STK32B: variants seen among roughly 807,000 people sequenced by gnomAD.
The protein encoded by STK32B is serine/threonine kinase 32B.
A neutral mutation model predicts 52.6 loss-of-function variants in STK32B; 43 were observed. The ratio of observed to expected loss-of-function variants is 0.82; its 90% CI spans 0.64 to 1.05. The LOEUF (loss-of-function observed/expected upper bound fraction) is 1.05. STK32B is among the 50% of genes least tolerant of loss of function. STK32B has a pLI of 0.00. For missense variants in STK32B, 621 were observed against 534.6 expected (o/e 1.16, Z -1.59); for synonymous variants, 238 against 204.3 (o/e 1.17, Z -1.41).
chr4:5,341,744 C>G (rs1324341605), intron 4 of STK32B, among the ~76,000 whole-genome samples: 1 of 152,142 alleles, frequency 6.6e-6, no homozygotes, highest in East Asian at 1.9e-4. Flanking sequence ...TGTTCGGCTT[C>G]TGGGGAGGCC....
At chr4:5,192,477 A>G (rs946367405) in intron 3 of STK32B, among the ~76,000 whole-genome samples, 1 of 152,252 alleles carries the variant, frequency 6.6e-6, no homozygotes, top group Non-Finnish European at 1.5e-5. Context: ...CACACGCTAC[A>G]GAAAGTCAGA....
intron 3 of STK32B, among the ~76,000 whole-genome samples, chr4:5,244,999 A>T (rs1725333629): frequency 6.6e-6 from 1 of 152,138 alleles, no homozygotes; most frequent in Non-Finnish European, 1.5e-5. Flanking sequence ...ACTTCCAACT[A>T]TGTGGTCAAT....
intron 4 of STK32B, among the ~76,000 whole-genome samples, chr4:5,346,884 T>A (rs1325526651): frequency 6.6e-6 from 1 of 152,124 alleles, no homozygotes; most frequent in African/African-American, 2.4e-5. Flanking sequence ...AAACTTACAA[T>A]CATGGTGGAA....
At chr4:5,032,580 C>A in the STK32B span, among the ~76,000 whole-genome samples, 11 of 151,570 alleles carry the variant, frequency 7.3e-5, no homozygotes, top group East Asian at 1.9e-3. Flanking sequence ...TGAAAGATGA[C>A]CAGTTTCTAG....
chr4:5,155,980 CCT>C (rs917987454), intron 2 of STK32B, among the ~76,000 whole-genome samples: 3 of 151,862 alleles, frequency 2.0e-5, no homozygotes, highest in Admixed American at 6.6e-5. Context: ...TACATATATA[CCT>C]CTCTACATAA....
chr4:5,142,914 A>G (rs1716584509), intron 2 of STK32B, among the ~76,000 whole-genome samples: 1 of 152,170 alleles, frequency 6.6e-6, no homozygotes, highest in African/African-American at 2.4e-5. Context: ...CTTTAGGAGA[A>G]AAAGGCTGAC....
the STK32B span, among the ~76,000 whole-genome samples, chr4:5,041,303 T>C: frequency 6.6e-6 from 1 of 151,502 alleles, no homozygotes; most frequent in Non-Finnish European, 1.5e-5. Flanking sequence ...AGAGTGTTCA[T>C]GACGACTCCC....
At chr4:5,040,367 T>C in the STK32B span, among the ~76,000 whole-genome samples, 5 of 150,034 alleles carry the variant, frequency 3.3e-5, no homozygotes, top group African/African-American at 9.8e-5. Flanking sequence ...TCAGTGCACA[T>C]GATGAGGCAG....
intron 1 of STK32B, among the ~76,000 whole-genome samples, chr4:5,084,344 A>G: frequency 6.6e-6 from 1 of 152,216 alleles, no homozygotes. Context: ...CTGTATTACA[A>G]AAGACAACAG....
At chr4:5,372,349 G>C (rs1735297055) in intron 4 of STK32B, among the ~76,000 whole-genome samples, 1 of 152,142 alleles carries the variant, frequency 6.6e-6, no homozygotes. Flanking sequence ...TCTCTGTCCA[G>C]CCGGGCTGTA....
chr4:5,417,060 A>G, intron 6 of STK32B, 126 bp downstream of exon 6: 1 of 792,872 alleles, frequency 1.3e-6, no homozygotes, highest in East Asian at 2.7e-5. Flanking sequence ...GAGGTTCCAC[A>G]GTTCCCAGTA....
chr4:5,029,722 C>G, the STK32B span, among the ~76,000 whole-genome samples: 17,207 of 152,178 alleles, frequency 0.11, 1,153 homozygotes, highest in Middle Eastern at 0.21. Context: ...CCCACCCAGG[C>G]GCCCATCTCC....
chr4:5,126,420 C>A (rs939002656), intron 1 of STK32B, among the ~76,000 whole-genome samples: 5 of 152,188 alleles, frequency 3.3e-5, no homozygotes, highest in Non-Finnish European at 5.9e-5. Context: ...TGGCTGGGCT[C>A]GCTCACTTAT....
At chr4:5,264,751 C>A (rs1417113918) in intron 3 of STK32B, among the ~76,000 whole-genome samples, 1 of 152,014 alleles carries the variant, frequency 6.6e-6, no homozygotes, top group Non-Finnish European at 1.5e-5. Context: ...TGCGCCACTG[C>A]ACTCCAGCCT....
chr4:5,178,077 A>G (rs917829958), intron 3 of STK32B, among the ~76,000 whole-genome samples: 1 of 152,194 alleles, frequency 6.6e-6, no homozygotes, highest in East Asian at 1.9e-4. Context: ...CTCTGCTCCC[A>G]CATTTCCCTT....
intron 1 of STK32B, among the ~76,000 whole-genome samples, chr4:5,078,354 A>G (rs190957848): frequency 6.6e-6 from 1 of 152,318 alleles, no homozygotes; most frequent in African/African-American, 2.4e-5. Context: ...TTTAGGGTAG[A>G]AAAGCTAGGG....
chr4:5,040,062 G>C, the STK32B span, among the ~76,000 whole-genome samples: 1 of 152,190 alleles, frequency 6.6e-6, no homozygotes, highest in Non-Finnish European at 1.5e-5. Context: ...GGTCATCACA[G>C]CCTGCAGGAG....
intron 3 of STK32B, among the ~76,000 whole-genome samples, chr4:5,220,010 T>A (rs1340204583): frequency 6.6e-6 from 1 of 152,168 alleles, no homozygotes; most frequent in East Asian, 1.9e-4. Context: ...TTGCTGTAAT[T>A]ATAAGGCTGT....
chr4:5,192,721 T>G (rs897743288), intron 3 of STK32B, among the ~76,000 whole-genome samples: 7 of 136,322 alleles, frequency 5.1e-5, no homozygotes, highest in Non-Finnish European at 1.1e-4. Flanking sequence ...GTCACCTTTT[T>G]TGTGTGTGGT....
Sources: gnomAD v4.1 joint callset for allele counts (sites outside exome capture counted in the v4.1 genomes callset) on GRCh38, gnomAD v4.1.1 for gene constraint, MANE v1.5 for transcripts, NCBI Gene and HGNC (gene_info 2026-07-23, HGNC 2026-07-21) for gene names.